DNMT3A: variants seen among roughly 807,000 people sequenced by gnomAD.
The protein encoded by DNMT3A is DNA methyltransferase 3 alpha.
A neutral mutation model predicts 117.6 loss-of-function variants in DNMT3A; 267 were observed. That is an observed-to-expected ratio of 2.27 (90% confidence interval 2.05 to 2.51). The LOEUF (loss-of-function observed/expected upper bound fraction) is 2.51. DNMT3A is among the 30% of genes most tolerant of loss of function. The pLI is 0.00. For missense variants in DNMT3A, 1,029 were observed against 1,260.2 expected, an observed-to-expected ratio of 0.82 and a Z score of 2.78; for synonymous variants, 432 against 474.8, an observed-to-expected ratio of 0.91 and a Z score of 1.17.
At chr2:25,272,009 C>T (rs945544029) in intron 6 of DNMT3A, among the ~76,000 whole-genome samples, 4 of 152,100 alleles carry the variant, frequency 2.6e-5, no homozygotes, top group Non-Finnish European at 5.9e-5. Context: ...TTTTTTGAGA[C>T]AGAGTCTCGT....
At chr2:25,251,840 G>A in intron 6 of DNMT3A, 3 of 363,116 alleles carry the variant, frequency 8.3e-6, no homozygotes, top group Non-Finnish European at 1.0e-5. Flanking sequence ...GCACCCATCT[G>A]CCAGCTCAGC....
chr2:25,290,226 G>A (rs1298044480), intron 3 of DNMT3A, among the ~76,000 whole-genome samples: 1 of 152,016 alleles, frequency 6.6e-6, no homozygotes, highest in East Asian at 1.9e-4. Context: ...ATAGCTCCCT[G>A]CAGCCTCAAA....
chr2:25,319,175 C>T (rs868550508), intron 1 of DNMT3A, among the ~76,000 whole-genome samples: 4 of 151,166 alleles, frequency 2.6e-5, no homozygotes, highest in African/African-American at 9.7e-5. Flanking sequence ...CCACCACACC[C>T]GGCTAATTTT....
rs929532060 is a variant in DNMT3A, at chr2:25,257,534, A to ATG, written c.640-9283_640-9282insCA. ...GTCTGGTCTTGGCTTAGCCGGCATG[A>ATG]CCAGGAAACACCCGCTTCCTGACAA... On this transcript the variant is annotated intron_variant, in intron 6 of 22. Transcript: ENST00000321117. The surrounding 1 kb of genome is among the most constrained non-coding windows in gnomAD (Gnocchi z 4.8). 6.6e-6 allele frequency among the ~76,000 whole-genome samples: 1 copy of ATG among 152,156 alleles called. No individual in the cohort carries two copies. The highest frequency in any genetic ancestry group is 1.5e-5 in the Non-Finnish European group (1 of 68,016).
rs139347712 is a variant in DNMT3A at position 25,296,874 on chromosome 2, C to T, written c.177+3265G>A. Among the ~76,000 whole-genome samples the T allele has an allele frequency of 9.9e-5, 15 of 152,278 alleles. No individual in the cohort carries two copies. The East Asian group carries it at 1.2e-3, about 12-fold the overall frequency. On this transcript the variant is annotated intron_variant, in intron 3 of 22. Coordinates refer to ENST00000321117, the MANE Select transcript of DNMT3A (RefSeq NM_022552.5). This position sits in a 1 kb window ranked among gnomAD's most constrained non-coding sequence, Gnocchi z 4.2. ...GTATATCTGGACCCTCCCTGTCCAG[C>T]GCTGGCTGTGGAAGCTCACAGCCTC... is the stretch of plus-strand genomic sequence containing the variant.
chr2:25,279,805 G>A (rs925603706), intron 4 of DNMT3A, among the ~76,000 whole-genome samples: 1 of 151,952 alleles, frequency 6.6e-6, no homozygotes, highest in African/African-American at 2.4e-5. Context: ...TCCTGTCTCA[G>A]ACTCCGGAGT....
chr2:25,300,715 ATATATATATATAT>A (rs2033424252), intron 2 of DNMT3A, among the ~76,000 whole-genome samples: 89 of 4,536 alleles, frequency 0.02, 4 homozygotes, highest in African/African-American at 0.046. Context: ...ATAATATAAT[ATATATATATATAT>A]ATATATATAT....
Position 25,244,020 on chromosome 2 carries a change from C to T in DNMT3A, c.1852-38G>A, listed in dbSNP as rs373436701. 1,009 of 1,547,090 alleles carry T rather than the reference C, an allele frequency of 6.5e-4. 2 individuals are homozygous for T. The highest frequency in any genetic ancestry group is 3.9e-3 in the Middle Eastern group (19 of 4,932). On this transcript the variant is annotated intron_variant, in intron 15 of 22. Coordinates refer to ENST00000321117, the MANE Select transcript of DNMT3A (RefSeq NM_022552.5). ...CACAACAGGTCAGATGCAGGCCCAG[C>T]GGTGTCCCAAGCTCCCACCCAGCGC...
chr2:25,322,792 T>G (rs879510969), intron 1 of DNMT3A, among the ~76,000 whole-genome samples: 12 of 151,194 alleles, frequency 7.9e-5, no homozygotes, highest in Non-Finnish European at 1.6e-4. Flanking sequence ...TTGCACATAA[T>G]TATCCTCTTC....
rs997357026 is a variant in DNMT3A, at chr2:25,296,930, C to T, written c.177+3209G>A. On this transcript the variant is annotated intron_variant, in intron 3 of 22. Transcript: ENST00000321117. This position sits in a 1 kb window ranked among gnomAD's most constrained non-coding sequence, Gnocchi z 4.2. ...AGGGTTTCATCTCTTACTTCCCAGT[C>T]CCCATCCCTGTCACACCTGTCAGGA... Among the ~76,000 whole-genome samples the T allele has an allele frequency of 1.7e-4, 26 of 152,152 alleles. No homozygotes were observed. The highest frequency in any genetic ancestry group is 3.7e-4 in the Non-Finnish European group (25 of 68,022).
At chr2:25,302,988 C>A (rs1039189241) in intron 2 of DNMT3A, among the ~76,000 whole-genome samples, 1 of 152,146 alleles carries the variant, frequency 6.6e-6, no homozygotes, top group African/African-American at 2.4e-5. Context: ...AGGGAGGTGT[C>A]CATCCTGTCT....
chr2:25,273,371 T>G (rs2031107110), intron 6 of DNMT3A, among the ~76,000 whole-genome samples: 1 of 152,084 alleles, frequency 6.6e-6, no homozygotes, highest in Non-Finnish European at 1.5e-5. Context: ...AGTGCTGAGA[T>G]TACAGGTGTA....
At chr2:25,324,471 G>A (rs984196427) in intron 1 of DNMT3A, among the ~76,000 whole-genome samples, 6 of 152,198 alleles carry the variant, frequency 3.9e-5, no homozygotes, top group Non-Finnish European at 7.3e-5. Context: ...CAGAGCCAGC[G>A]CCATGATCGA....
rs959553222 is a variant in DNMT3A, at chr2:25,234,125, T to C, written c.*154A>G. 10 of 1,215,690 alleles carry C rather than the reference T, an allele frequency of 8.2e-6. No homozygotes were observed. Among genetic ancestry groups the C allele is most frequent in the Non-Finnish European group, 7.7e-6 (7 of 912,668 alleles). The allele number at this position is 1,215,690 out of a possible 1,614,324, so 75.3% of individuals were successfully genotyped here. On this transcript the variant is annotated 3_prime_UTR_variant, in exon 23 of 23. Coordinates refer to ENST00000321117, the MANE Select transcript of DNMT3A (RefSeq NM_022552.5). The surrounding 1 kb of genome is among the most constrained non-coding windows in gnomAD (Gnocchi z 4.5). Reference sequence around the variant, plus strand: ...TTTCGCAAGGCAAAGCCCTCCGGTATTTCCGCCTCTGTGGTTTTTGTTTTA... The same window carrying C: ...TTTCGCAAGGCAAAGCCCTCCGGTACTTCCGCCTCTGTGGTTTTTGTTTTA...
intron 4 of DNMT3A, among the ~76,000 whole-genome samples, chr2:25,276,521 T>C (rs1205303710): frequency 6.6e-6 from 1 of 152,220 alleles, no homozygotes; most frequent in African/African-American, 2.4e-5. Context: ...CCTTGCCCTC[T>C]CCCTGTGCTT....
chr2:25,240,609 G>A lies in DNMT3A; in HGVS notation c.2173+31C>T, dbSNP rs1156550067. 1.9e-6 allele frequency: 3 copies of A among 1,611,954 alleles called. No individual in the cohort carries two copies. In the African/African-American group the frequency reaches 4.0e-5, roughly 21 times the overall value. ...AAGCCTATGTGCGGAAGCACCAGCT[G>A]AGAAGGTGGAGGGGACAGGATGGTA... On this transcript the variant is annotated intron_variant, in intron 18 of 22. Coordinates refer to ENST00000321117, the MANE Select transcript of DNMT3A (RefSeq NM_022552.5).
Position 25,314,778 on chromosome 2 carries a change from G to A in DNMT3A, c.-177-617C>T, listed in dbSNP as rs186624078. 2.6e-4 allele frequency: 234 copies of A among 893,768 alleles called. 1 individual carries two copies. The Middle Eastern group carries it at 9.2e-3, about 35-fold the overall frequency. 55.4% of individuals were successfully genotyped at this position (893,768 alleles called of 1,614,324 possible). ...CAAGGCCACAGGCCACGGCCACACT[G>A]AGGCAGGAGTGAGGCTGCTCTCTCC... is the stretch of plus-strand genomic sequence containing the variant. On this transcript the variant is annotated intron_variant, in intron 1 of 22. Transcript: ENST00000321117.
rs556394600 is a variant in DNMT3A, at chr2:25,264,495, T to A, written c.639+10446A>T. Among the ~76,000 whole-genome samples, 19 of 149,082 alleles carry A rather than the reference T, an allele frequency of 1.3e-4. 1 individual carries two copies. The highest frequency in any genetic ancestry group is 3.5e-4 in the African/African-American group (14 of 40,186). On this transcript the variant is annotated intron_variant, in intron 6 of 22. Transcript: ENST00000321117. ...TTTTGTTTTTTTTTGTGAGACAGAG[T>A]CTGGCTCTGTCGCCCAGGCTGGAGT...
chr2:25,271,605 C>T (rs11892646), intron 6 of DNMT3A, among the ~76,000 whole-genome samples: 28,086 of 152,098 alleles, frequency 0.18, 3,090 homozygotes, highest in East Asian at 0.32. Context: ...GAGCTTGTGG[C>T]CAGTTATAAA....
Sources: allele counts gnomAD v4.1 joint callset (sites outside exome capture counted in the v4.1 genomes callset), GRCh38; gene constraint gnomAD v4.1.1; non-coding constraint Gnocchi (gnomAD v3.1); transcripts MANE v1.5; gene names NCBI Gene and HGNC (gene_info 2026-07-23, HGNC 2026-07-21).